The following SPHKAP variants were observed in gnomAD, a reference collection of about 807,000 sequenced individuals.
SPHKAP encodes the protein SPHK1 interactor, AKAP domain containing, also known as A-kinase anchor protein SPHKAP.
Under a neutral mutation model 137.5 loss-of-function variants are expected in SPHKAP, and 67 were observed. The ratio of observed to expected loss-of-function variants is 0.49; its 90% CI spans 0.40 to 0.60. SPHKAP has a LOEUF of 0.60. SPHKAP is among the 20% of genes least tolerant of loss of function. SPHKAP has a pLI of 0.00. For missense variants in SPHKAP, 2,097 were observed against 2,069.3 expected (o/e 1.01, Z -0.26); for synonymous variants, 813 against 785.3 (o/e 1.04, Z -0.59).
At chr2:228,108,764 TA>T in intron 3 of SPHKAP, 67 bp downstream of exon 3, 2 of 1,111,206 alleles carry the variant, frequency 1.8e-6, no homozygotes, top group Non-Finnish European at 2.6e-6. Context: ...CTTTTGGTCC[TA>T]AACATGGGTA....
intron 3 of SPHKAP, among the ~76,000 whole-genome samples, chr2:228,079,020 C>T (rs558533901): frequency 2.4e-4 from 37 of 152,216 alleles, no homozygotes; most frequent in Middle Eastern, 3.4e-3. Flanking sequence ...CTGACCCTAA[C>T]GGCCACAGCA....
intron 1 of SPHKAP, among the ~76,000 whole-genome samples, chr2:228,138,652 G>C (rs1026338788): frequency 6.6e-6 from 1 of 152,084 alleles, no homozygotes; most frequent in Non-Finnish European, 1.5e-5. Flanking sequence ...TTTATGTTCT[G>C]TTTCAATACT....
chr2:228,022,169 C>T, intron 5 of SPHKAP: 2 of 984,626 alleles, frequency 2.0e-6, no homozygotes, highest in Non-Finnish European at 2.4e-6. Context: ...TAGGAGAAAG[C>T]CTGACTTAGG....
chr2:228,175,883 C>G (rs1700724690), intron 1 of SPHKAP, among the ~76,000 whole-genome samples: 1 of 152,034 alleles, frequency 6.6e-6, no homozygotes, highest in African/African-American at 2.4e-5. Flanking sequence ...ATAAAGTCAA[C>G]TTTATCTCTG....
rs1473289777 is a variant in SPHKAP at position 228,181,620 on chromosome 2, G to A, written c.-22C>T. The A allele has an allele frequency of 1.2e-6, 2 of 1,614,108 alleles. No individual in the cohort carries two copies. Among genetic ancestry groups the A allele is most frequent in the East Asian group, 4.5e-5 (2 of 44,834 alleles). On this transcript the variant is annotated 5_prime_UTR_variant, in exon 1 of 12. Coordinates refer to ENST00000392056, the MANE Select transcript of SPHKAP (RefSeq NM_001142644.2). This position sits in a 1 kb window ranked among gnomAD's most constrained non-coding sequence, Gnocchi z 4.3. ...CCATTGTTGGTGGGCGCCCAGAGAA[G>A]AAAGACGGAAAGTGCAGGCGAAGGA...
At chr2:228,016,269 A>AT (rs370982894) in intron 7 of SPHKAP, 137 bp downstream of exon 7, 55,484 of 1,148,114 alleles carry the variant, frequency 0.048, no homozygotes, top group South Asian at 0.052. Flanking sequence ...TCATTAACTC[A>AT]TTTTTTTTTT....
At chr2:227,990,917 A>G in intron 11 of SPHKAP, 83 bp downstream of exon 11, 1 of 1,358,732 alleles carries the variant, frequency 7.4e-7, no homozygotes, top group South Asian at 1.3e-5. Flanking sequence ...TCAAATGGAC[A>G]GGGGTTTACT....
At chr2:228,114,189 C>T (rs1698629668) in intron 2 of SPHKAP, among the ~76,000 whole-genome samples, 1 of 152,118 alleles carries the variant, frequency 6.6e-6, no homozygotes, top group Middle Eastern at 3.2e-3. Context: ...TGTGTGTTCA[C>T]AAATTTGAAA....
chr2:228,179,485 A>G (rs112177099), intron 1 of SPHKAP, among the ~76,000 whole-genome samples: 53 of 152,346 alleles, frequency 3.5e-4, no homozygotes, highest in African/African-American at 1.3e-3. Flanking sequence ...ATACAATGAA[A>G]TAGAGGATTG....
At chr2:228,103,023 G>A (rs186484746) in intron 3 of SPHKAP, among the ~76,000 whole-genome samples, 1 of 152,226 alleles carries the variant, frequency 6.6e-6, no homozygotes, top group Admixed American at 6.5e-5. Context: ...ACGAGTACAG[G>A]TGTGAGCCAC....
intron 7 of SPHKAP, among the ~76,000 whole-genome samples, chr2:227,997,573 G>A (rs74692824): frequency 0.15 from 23,260 of 152,004 alleles, 1,779 homozygotes; most frequent in Non-Finnish European, 0.17. Context: ...CTAATAACAT[G>A]CTTTTGTTAA....
chr2:228,037,125 T>C (rs4973068), intron 3 of SPHKAP, among the ~76,000 whole-genome samples: 58,031 of 152,000 alleles, frequency 0.38, 11,529 homozygotes, highest in South Asian at 0.51. Flanking sequence ...TGAGTTGTTA[T>C]AGGCATACTC....
In SPHKAP at chr2:228,172,965, T is replaced by C. The variant is rs1004256454; in HGVS notation, c.32+8602A>G. On this transcript the variant is annotated intron_variant, in intron 1 of 11. Coordinates refer to ENST00000392056, the MANE Select transcript of SPHKAP (RefSeq NM_001142644.2). ...GAAGAGCAAGTACAATCCTGCCCTATGCTTAGAAGTACAATTGGAAAACTT... is the reference window on the plus strand; with the variant it reads ...GAAGAGCAAGTACAATCCTGCCCTACGCTTAGAAGTACAATTGGAAAACTT... The C allele has an allele frequency of 4.6e-6, 4 of 876,988 alleles. No homozygotes were observed. In the African/African-American group the frequency reaches 7.3e-5, roughly 16 times the overall value. 54.3% of individuals were successfully genotyped at this position (876,988 alleles called of 1,614,324 possible).
chr2:228,079,287 G>C (rs1304238368), intron 3 of SPHKAP, among the ~76,000 whole-genome samples: 1 of 152,186 alleles, frequency 6.6e-6, no homozygotes, highest in Non-Finnish European at 1.5e-5. Context: ...CAGAGCTCAG[G>C]CGATAATGCT....
At position 228,094,825 on chromosome 2, in the gene SPHKAP, G is replaced by A. The variant is rs950403956; in HGVS notation, c.246+14007C>T. Among the ~76,000 whole-genome samples, 11 of 152,076 alleles carry A rather than the reference G, an allele frequency of 7.2e-5. No homozygotes were observed. In the East Asian group the frequency reaches 7.7e-4, roughly 11 times the overall value. ...CCACGGTAACCTTAAAATATATCTC[G>A]GAATTAGGTGCTGCAGAGGATTTTG... On this transcript the variant is annotated intron_variant, in intron 3 of 11. Transcript: ENST00000392056.
intron 1 of SPHKAP, among the ~76,000 whole-genome samples, chr2:228,168,910 G>T (rs1204177416): frequency 2.0e-5 from 3 of 152,234 alleles, no homozygotes; most frequent in Non-Finnish European, 4.4e-5. Flanking sequence ...ATATACGAAT[G>T]ATAAGAAAAA....
intron 7 of SPHKAP, among the ~76,000 whole-genome samples, chr2:228,002,396 C>T (rs1693943651): frequency 6.6e-6 from 1 of 152,176 alleles, no homozygotes; most frequent in Non-Finnish European, 1.5e-5. Flanking sequence ...TCATCTCCTT[C>T]ACCCACTTTT....
Position 228,021,967 on chromosome 2 carries a change from C to A in SPHKAP, c.442-1G>T. 6.3e-7 allele frequency: 1 copy of A among 1,579,798 alleles called. No homozygotes were observed. The highest frequency in any genetic ancestry group is 1.4e-5 in the African/African-American group (1 of 73,476). ...AGCAGATATCTGGCAGCCAAGGGCA[C>A]TAAAAGTGGAGAGAAAAGAAGGCAT... On this transcript the variant is annotated splice_acceptor_variant, in intron 5 of 11. Coordinates refer to ENST00000392056, the MANE Select transcript of SPHKAP (RefSeq NM_001142644.2). LOFTEE classifies it high-confidence loss of function.
rs1698575976 is a variant in SPHKAP, at chr2:228,113,284, GTC to G, written c.139-4347_139-4346del. On this transcript the variant is annotated intron_variant, in intron 2 of 11. Transcript: ENST00000392056. ...AATAGTAGTACATTTATTGAGAACT[GTC>G]TGGGCTAACATCCTAACCTACACTA... Among the ~76,000 whole-genome samples the G allele has an allele frequency of 2.0e-5, 3 of 151,978 alleles. No individual in the cohort carries two copies. In the South Asian group the frequency reaches 6.2e-4, roughly 32 times the overall value.
Sources: gnomAD v4.1 joint callset for allele counts (sites outside exome capture counted in the v4.1 genomes callset) on GRCh38, gnomAD v4.1.1 for gene constraint, Gnocchi (gnomAD v3.1) non-coding constraint, MANE v1.5 for transcripts, NCBI Gene and HGNC (gene_info 2026-07-23, HGNC 2026-07-21) for gene names.